PARN: variants seen among roughly 807,000 people sequenced by gnomAD.
PARN encodes the protein poly(A)-specific ribonuclease, also known as poly(A)-specific ribonuclease PARN.
PARN carries 71 observed loss-of-function variants against 102.8 expected under a neutral mutation model. The ratio of observed to expected loss-of-function variants is 0.69; its 90% CI spans 0.57 to 0.84. PARN has a LOEUF of 0.84. Ranked by LOEUF, PARN falls within the 40% of genes least tolerant of loss-of-function variation. The pLI, the probability that PARN is intolerant of heterozygous loss-of-function variation, is 0.00. For missense variants in PARN, 782 were observed against 760.9 expected, an observed-to-expected ratio of 1.03 and a Z score of -0.33; for synonymous variants, 261 against 252.9, an observed-to-expected ratio of 1.03 and a Z score of -0.30.
intron 22 of PARN, among the ~76,000 whole-genome samples, chr16:14,457,916 G>T (rs1039581645): frequency 7.2e-6 from 1 of 138,542 alleles, no homozygotes; most frequent in African/African-American, 2.5e-5. Flanking sequence ...GTGTGTGTGT[G>T]GGGGTGTGTG....
At chr16:14,528,027 C>CA (rs1298551157) in intron 21 of PARN, among the ~76,000 whole-genome samples, 1 of 152,098 alleles carries the variant, frequency 6.6e-6, no homozygotes, top group Non-Finnish European at 1.5e-5. Flanking sequence ...TTGTGGGTTA[C>CA]AAAAAATTGA....
intron 18 of PARN, among the ~76,000 whole-genome samples, chr16:14,577,163 T>A (rs574139577): frequency 1.5e-4 from 23 of 152,316 alleles, no homozygotes; most frequent in Non-Finnish European, 2.9e-4. Flanking sequence ...TTGGTAAAGG[T>A]TACATTTAGA....
chr16:14,530,179 G>C (rs1304935376), intron 21 of PARN, among the ~76,000 whole-genome samples: 1 of 152,180 alleles, frequency 6.6e-6, no homozygotes, highest in Non-Finnish European at 1.5e-5. Context: ...CCTTCTCTTG[G>C]TGAGCAGCAC....
intron 23 of PARN, among the ~76,000 whole-genome samples, chr16:14,440,266 G>A (rs1365694920): frequency 6.6e-6 from 1 of 152,000 alleles, no homozygotes; most frequent in African/African-American, 2.4e-5. Flanking sequence ...AGTCATTAGG[G>A]AAATAAAAAC....
chr16:14,616,100 A>G (rs2151805665), intron 6 of PARN, among the ~76,000 whole-genome samples: 1 of 152,316 alleles, frequency 6.6e-6, no homozygotes, highest in Admixed American at 6.5e-5. Flanking sequence ...AACAAAATTT[A>G]TGTAAATAAT....
At chr16:14,616,103 T>C (rs112305292) in intron 6 of PARN, among the ~76,000 whole-genome samples, 21 of 152,288 alleles carry the variant, frequency 1.4e-4, no homozygotes, top group Admixed American at 4.6e-4. Context: ...AAAATTTATG[T>C]AAATAATTAA....
chr16:14,466,475 A>G (rs1167435110), intron 22 of PARN, among the ~76,000 whole-genome samples: 2 of 152,204 alleles, frequency 1.3e-5, no homozygotes, highest in Admixed American at 1.3e-4. Flanking sequence ...GACCTTGAAT[A>G]TGACAGCTTC....
chr16:14,611,920 C>T (rs1013662079), intron 6 of PARN, among the ~76,000 whole-genome samples: 2 of 152,120 alleles, frequency 1.3e-5, no homozygotes, highest in African/African-American at 2.4e-5. Flanking sequence ...AATACTCAAC[C>T]CTGCTGTTGT....
chr16:14,577,024 G>A (rs902835359), intron 18 of PARN, among the ~76,000 whole-genome samples: 7 of 152,186 alleles, frequency 4.6e-5, no homozygotes, highest in African/African-American at 7.2e-5. Context: ...TAATGCAGAC[G>A]TAAGTGAAGT....
chr16:14,544,889 T>C (rs746399038), intron 21 of PARN, among the ~76,000 whole-genome samples: 6 of 152,030 alleles, frequency 3.9e-5, no homozygotes, highest in Admixed American at 1.3e-4. Context: ...AAAAAGTCAG[T>C]GAAGATATAG....
chr16:14,463,842 G>T lies in PARN; in HGVS notation c.1671-16761C>A, dbSNP rs949028612. Among the ~76,000 whole-genome samples, 12 of 143,210 alleles carry T rather than the reference G, an allele frequency of 8.4e-5. 1 individual carries two copies. Among genetic ancestry groups the T allele is most frequent in the African/African-American group, 3.2e-4 (12 of 37,824 alleles). 94.0% of individuals were successfully genotyped at this position (143,210 alleles called of 152,430 possible). On this transcript the variant is annotated intron_variant, in intron 22 of 23. Transcript: ENST00000437198. ...AAAAGTCCAAACTTTTTTTTTTGGG[G>T]GGGGGGGGACGACAAGGTCTCACTC...
At chr16:14,575,282 C>T (rs571166454) in intron 18 of PARN, among the ~76,000 whole-genome samples, 1 of 152,292 alleles carries the variant, frequency 6.6e-6, no homozygotes, top group South Asian at 2.1e-4. Context: ...CAACAGCTTG[C>T]ACCATGCATC....
rs373642337 is a variant in PARN at position 14,580,435 on chromosome 16, A to T, written c.1262+439T>A. Among the ~76,000 whole-genome samples, 19 of 151,748 alleles carry T rather than the reference A, an allele frequency of 1.3e-4. No individual in the cohort carries two copies. In the East Asian group the frequency reaches 2.5e-3, roughly 20 times the overall value. On this transcript the variant is annotated intron_variant, in intron 18 of 23. Coordinates refer to ENST00000437198, the MANE Select transcript of PARN (RefSeq NM_002582.4). Reference sequence around the variant, plus strand: ...CCCGAGTAGCTGGGATTACAGGCACATGCCACCACGCCTGGCTAATTTTTG... The same window carrying T: ...CCCGAGTAGCTGGGATTACAGGCACTTGCCACCACGCCTGGCTAATTTTTG...
intron 9 of PARN, among the ~76,000 whole-genome samples, chr16:14,607,565 G>T (rs1380237648): frequency 2.0e-5 from 3 of 152,132 alleles, no homozygotes; most frequent in African/African-American, 7.2e-5. Flanking sequence ...GGCCAGCTCT[G>T]CTGTAGTTTT....
At chr16:14,461,265 C>A (rs1961952318) in intron 22 of PARN, among the ~76,000 whole-genome samples, 1 of 152,038 alleles carries the variant, frequency 6.6e-6, no homozygotes, top group African/African-American at 2.4e-5. Context: ...AGATGAGATC[C>A]TGAAACTGAA....
intron 11 of PARN, 119 bp downstream of exon 11, chr16:14,604,027 T>C: frequency 1.3e-6 from 1 of 745,382 alleles, no homozygotes; most frequent in Non-Finnish European, 2.3e-6. Flanking sequence ...AATTCCATTG[T>C]TCTATGAAAG....
chr16:14,534,163 G>T (rs1966504791), intron 21 of PARN, among the ~76,000 whole-genome samples: 1 of 148,584 alleles, frequency 6.7e-6, no homozygotes, highest in Non-Finnish European at 1.5e-5. Context: ...AGGCTGCTGT[G>T]AACCAAGATC....
At chr16:14,621,302 G>C (rs1972280451) in intron 5 of PARN, among the ~76,000 whole-genome samples, 1 of 152,100 alleles carries the variant, frequency 6.6e-6, no homozygotes, top group African/African-American at 2.4e-5. Flanking sequence ...TGTCCTTCTA[G>C]TACTAGACAC....
intron 21 of PARN, among the ~76,000 whole-genome samples, chr16:14,544,414 A>C (rs1220959390): frequency 6.6e-6 from 1 of 152,004 alleles, no homozygotes; most frequent in African/African-American, 2.4e-5. Context: ...GTCTCTACTA[A>C]AAATACAAAA....
Sources: allele counts gnomAD v4.1 joint callset (sites outside exome capture counted in the v4.1 genomes callset), GRCh38; gene constraint gnomAD v4.1.1; transcripts MANE v1.5; gene names NCBI Gene and HGNC (gene_info 2026-07-23, HGNC 2026-07-21).